Variants in FAM124A observed in about 807,000 individuals in gnomAD.
FAM124A encodes family with sequence similarity 124 member A.
In FAM124A, 23 loss-of-function variants were observed where a neutral mutation model predicts 24.5. That is an observed-to-expected ratio of 0.94 (90% CI 0.68 to 1.33). The LOEUF is 1.33. FAM124A is among the 40% of genes most tolerant of loss of function. The pLI is 0.00. For missense variants in FAM124A, 623 were observed against 722.8 expected (o/e 0.86, Z 1.58); for synonymous variants, 287 against 314.7 (o/e 0.91, Z 0.93).
chr13:51,260,051 T>C (rs990116922), intron 3 of FAM124A, among the ~76,000 whole-genome samples: 3 of 152,008 alleles, frequency 2.0e-5, no homozygotes, highest in Admixed American at 1.3e-4. Context: ...GAGGAGGCTG[T>C]GTCAGGAGGT....
At chr13:51,224,574 TCA>T (rs1464148206) in intron 1 of FAM124A, among the ~76,000 whole-genome samples, 1 of 152,230 alleles carries the variant, frequency 6.6e-6, no homozygotes, top group Non-Finnish European at 1.5e-5. Flanking sequence ...TGCCATATAT[TCA>T]CAGAGCCCTT....
intron 3 of FAM124A, among the ~76,000 whole-genome samples, chr13:51,278,314 T>C (rs1360325031): frequency 6.6e-6 from 1 of 152,176 alleles, no homozygotes; most frequent in East Asian, 1.9e-4. Context: ...CTCTAGTGTT[T>C]CTGGTCAGCA....
chr13:51,236,633 G>A (rs1486745115), intron 2 of FAM124A, among the ~76,000 whole-genome samples: 2 of 152,216 alleles, frequency 1.3e-5, no homozygotes, highest in East Asian at 3.9e-4. Context: ...GAATACATAT[G>A]ATCTGTGTTT....
rs564549549 is a variant in FAM124A at position 51,246,410 on chromosome 13, G to C, written c.101-5058G>C. 5.7e-5 allele frequency among the ~76,000 whole-genome samples: 8 copies of C among 140,602 alleles called. No homozygotes were observed. The South Asian group carries it at 9.8e-4, about 17-fold the overall frequency. The allele number at this position is 140,602 out of a possible 152,430, so 92.2% of individuals were successfully genotyped here. ...AGGCATGTTTCTCGTGGGGTGGGGG[G>C]GGGTGTAACTCTAACACCTGATGAC... On this transcript the variant is annotated intron_variant, in intron 2 of 3. Transcript: ENST00000322475.
At chr13:51,245,074 G>A (rs571018438) in intron 2 of FAM124A, among the ~76,000 whole-genome samples, 6 of 152,366 alleles carry the variant, frequency 3.9e-5, no homozygotes, top group Middle Eastern at 3.4e-3. Context: ...GAAAGAAAGA[G>A]AAAGGCTATC....
chr13:51,235,718 C>A lies in FAM124A; in HGVS notation c.100+4339C>A, dbSNP rs1209200444. On this transcript the variant is annotated intron_variant, in intron 2 of 3. Coordinates refer to ENST00000322475, the MANE Select transcript of FAM124A (RefSeq NM_001242312.2). ...AGCTCTTTATCTGGCACCTTAGGAA[C>A]TGCCAGCGATGGCAGGAATGCCTTG... 2.0e-5 allele frequency among the ~76,000 whole-genome samples: 3 copies of A among 152,348 alleles called. No individual in the cohort carries two copies. In the East Asian group the frequency reaches 5.8e-4, roughly 29 times the overall value.
intron 3 of FAM124A, among the ~76,000 whole-genome samples, chr13:51,267,021 C>T (rs964826): frequency 0.075 from 11,451 of 152,172 alleles, 971 homozygotes; most frequent in African/African-American, 0.19. Context: ...AGATAATAAA[C>T]AATAGCTGTA....
At chr13:51,270,704 G>T (rs551838171) in intron 3 of FAM124A, among the ~76,000 whole-genome samples, 83 of 152,352 alleles carry the variant, frequency 5.4e-4, no homozygotes, top group African/African-American at 1.9e-3. Context: ...TAGATCTATA[G>T]TTACTGTTTA....
At chr13:51,248,677 A>C (rs558047757) in intron 2 of FAM124A, among the ~76,000 whole-genome samples, 5 of 152,304 alleles carry the variant, frequency 3.3e-5, no homozygotes, top group African/African-American at 1.2e-4. Context: ...TGTTGGGAGC[A>C]CAGGGAGGCA....
At chr13:51,222,773 C>G (rs963883521) in intron 1 of FAM124A, among the ~76,000 whole-genome samples, 1 of 152,192 alleles carries the variant, frequency 6.6e-6, no homozygotes, top group Non-Finnish European at 1.5e-5. Flanking sequence ...AGTGGAAGGA[C>G]TCAAGGTTCA....
In FAM124A at chr13:51,271,703, C is replaced by T. The variant is rs1423521645; in HGVS notation, c.835-8747C>T. Among the ~76,000 whole-genome samples, 31 of 152,198 alleles carry T rather than the reference C, an allele frequency of 2.0e-4. 1 individual carries two copies. Among genetic ancestry groups the T allele is most frequent in the Admixed American group, 2.0e-3 (31 of 15,280 alleles). ...AAATTCTGCTCTCATTTCTGTTCCT[C>T]TTGGCATGATTTCATGACAATCTCA... On this transcript the variant is annotated intron_variant, in intron 3 of 3. Transcript: ENST00000322475.
intron 3 of FAM124A, among the ~76,000 whole-genome samples, chr13:51,255,919 A>G (rs1350119872): frequency 6.6e-6 from 1 of 152,236 alleles, no homozygotes; most frequent in Non-Finnish European, 1.5e-5. Flanking sequence ...AGTGAGTGTC[A>G]GTGAATTTGC....
chr13:51,235,784 T>C (rs1230499609), intron 2 of FAM124A, among the ~76,000 whole-genome samples: 3 of 152,184 alleles, frequency 2.0e-5, no homozygotes, highest in African/African-American at 7.2e-5. Context: ...TTGGGTGAAG[T>C]GATAGAGGGC....
At chr13:51,233,571 G>A (rs1158157389) in intron 2 of FAM124A, among the ~76,000 whole-genome samples, 3 of 152,218 alleles carry the variant, frequency 2.0e-5, no homozygotes, top group South Asian at 2.1e-4. Context: ...AGGGGGAAGC[G>A]GGGAGGCTTG....
rs144332021 is a variant in FAM124A at position 51,268,399 on chromosome 13, A to T, written c.835-12051A>T. On this transcript the variant is annotated intron_variant, in intron 3 of 3. Coordinates refer to ENST00000322475, the MANE Select transcript of FAM124A (RefSeq NM_001242312.2). ...TATAAACTCTCTTAATGTCATATTT[A>T]AAAAAACAAAAACAAAAAGCGTCTT... is the stretch of plus-strand genomic sequence containing the variant. Among the ~76,000 whole-genome samples the T allele has an allele frequency of 2.3e-3, 348 of 152,324 alleles. 1 individual carries two copies. Among genetic ancestry groups the T allele is most frequent in the African/African-American group, 8.0e-3 (333 of 41,558 alleles).
chr13:51,244,231 C>T (rs763358223), intron 2 of FAM124A, among the ~76,000 whole-genome samples: 1 of 152,122 alleles, frequency 6.6e-6, no homozygotes, highest in Non-Finnish European at 1.5e-5. Flanking sequence ...CCTTGGAAAC[C>T]ACGTTGAGCA....
chr13:51,225,980 T>C (rs1408583577), intron 1 of FAM124A, among the ~76,000 whole-genome samples: 1 of 12,242 alleles, frequency 8.2e-5, no homozygotes, highest in African/African-American at 1.4e-4. Context: ...TGCTTTCTTT[T>C]TTTTTTTTTT....
chr13:51,277,028 C>T (rs1015151061), intron 3 of FAM124A, among the ~76,000 whole-genome samples: 5 of 152,004 alleles, frequency 3.3e-5, no homozygotes, highest in Admixed American at 2.0e-4. Flanking sequence ...TAGCTGCACT[C>T]GTATGTTTAT....
chr13:51,240,273 C>G (rs951829433), intron 2 of FAM124A, among the ~76,000 whole-genome samples: 1 of 152,196 alleles, frequency 6.6e-6, no homozygotes, highest in Non-Finnish European at 1.5e-5. Context: ...TGTGAAACTT[C>G]TATTTTGCAC....
Sources: allele counts gnomAD v4.1 joint callset (sites outside exome capture counted in the v4.1 genomes callset), GRCh38; gene constraint gnomAD v4.1.1; transcripts MANE v1.5; gene names NCBI Gene and HGNC (gene_info 2026-07-23, HGNC 2026-07-21).